The following MAST2 variants were observed in gnomAD, a reference collection of about 807,000 sequenced individuals.
MAST2 encodes the protein microtubule-associated serine/threonine-protein kinase 2.
A neutral mutation model predicts 147.4 loss-of-function variants in MAST2; 70 were observed. The ratio of observed to expected loss-of-function variants is 0.47; its 90% CI spans 0.39 to 0.58. The LOEUF (loss-of-function observed/expected upper bound fraction) is 0.58, where lower values mean the gene tolerates loss of function less well. Ranked by LOEUF, MAST2 falls within the 20% of genes least tolerant of loss-of-function variation. MAST2 has a pLI of 0.00. For synonymous variants in MAST2, 869 were observed against 896.8 expected, an observed-to-expected ratio of 0.97 and a Z score of 0.55; for missense variants, 2,080 against 2,302.3, an observed-to-expected ratio of 0.90 and a Z score of 1.98.
intron 3 of MAST2, among the ~76,000 whole-genome samples, chr1:45,844,939 G>A (rs1206948527): frequency 6.6e-6 from 1 of 152,084 alleles, no homozygotes; most frequent in African/African-American, 2.4e-5. Flanking sequence ...GTTTCCTCAC[G>A]TGGCAGAAGG....
At chr1:45,850,391 G>A (rs1645586255) in intron 3 of MAST2, among the ~76,000 whole-genome samples, 1 of 152,136 alleles carries the variant, frequency 6.6e-6, no homozygotes, top group Non-Finnish European at 1.5e-5. Context: ...CCATTCTGTA[G>A]GCTGTTAACT....
chr1:45,900,188 A>AAAAAAAAAC, intron 4 of MAST2, among the ~76,000 whole-genome samples: 1 of 129,270 alleles, frequency 7.7e-6, no homozygotes, highest in African/African-American at 3.1e-5. Context: ...AAAAAAAAAA[A>AAAAAAAAAC]AAAAAAAGAT....
intron 17 of MAST2, 80 bp downstream of exon 17, chr1:46,027,943 AC>A (rs923618372): frequency 7.0e-5 from 109 of 1,547,406 alleles, no homozygotes; most frequent in East Asian, 2.7e-4. Context: ...CGTAATCCCA[AC>A]CCTTTGGGAG....
intron 4 of MAST2, among the ~76,000 whole-genome samples, chr1:45,899,220 T>C (rs1649302284): frequency 6.6e-6 from 1 of 152,198 alleles, no homozygotes; most frequent in African/African-American, 2.4e-5. Flanking sequence ...TTGATCAATT[T>C]TTTTTAATTA....
chr1:45,964,944 A>G (rs1487649421), intron 5 of MAST2, among the ~76,000 whole-genome samples: 1 of 152,120 alleles, frequency 6.6e-6, no homozygotes, highest in East Asian at 1.9e-4. Flanking sequence ...GTTTCAAAGA[A>G]CATCTTTATT....
At position 46,002,903 on chromosome 1, in the gene MAST2, G is replaced by C; in HGVS notation, c.747+20G>C. 1 of 1,611,098 alleles carries C rather than the reference G, an allele frequency of 6.2e-7. No homozygotes were observed. The highest frequency in any genetic ancestry group is 8.5e-7 in the Non-Finnish European group (1 of 1,177,302). On this transcript the variant is annotated intron_variant, in intron 7 of 28. Transcript: ENST00000361297. ...GTCTCAGTAAGTAGCCAAATCTGTG[G>C]CCATACTTCCTTCACCCTAAGGAAG...
Position 45,937,724 on chromosome 1 carries a change from C to T in MAST2, c.501-21662C>T, listed in dbSNP as rs193186931. ...CCGAGATCACACCACTGTACTCCAG[C>T]CTGGGAGACAGAGTGAAACTCCATC... is the stretch of plus-strand genomic sequence containing the variant. On this transcript the variant is annotated intron_variant, in intron 4 of 28. Transcript: ENST00000361297. 1.3e-3 allele frequency among the ~76,000 whole-genome samples: 167 copies of T among 127,488 alleles called. 2 individuals carry two copies. In the Admixed American group the frequency reaches 0.016, roughly 12 times the overall value. 83.6% of individuals were successfully genotyped at this position (127,488 alleles called of 152,430 possible).
At chr1:45,882,224 G>A in intron 3 of MAST2, 140 bp from the exon 4 acceptor site, 1 of 553,408 alleles carries the variant, frequency 1.8e-6, no homozygotes. Context: ...AATTTAAGAG[G>A]CAAAGAAAAA....
intron 3 of MAST2, among the ~76,000 whole-genome samples, chr1:45,844,056 C>A (rs1346100102): frequency 6.6e-6 from 1 of 151,974 alleles, no homozygotes; most frequent in Admixed American, 6.6e-5. Flanking sequence ...AAATTTTTTT[C>A]TTATCTTGAA....
chr1:45,880,083 A>G (rs913180756), intron 3 of MAST2, among the ~76,000 whole-genome samples: 2 of 152,294 alleles, frequency 1.3e-5, no homozygotes, highest in East Asian at 1.9e-4. Flanking sequence ...ATATATATCT[A>G]CCCTTTAACT....
intron 4 of MAST2, among the ~76,000 whole-genome samples, chr1:45,955,803 G>C (rs1659574302): frequency 6.6e-6 from 1 of 152,198 alleles, no homozygotes; most frequent in Admixed American, 6.5e-5. Flanking sequence ...ATAATGCCTT[G>C]TAGGCCATCA....
chr1:45,877,478 T>G (rs990977905), intron 3 of MAST2, among the ~76,000 whole-genome samples: 1 of 152,166 alleles, frequency 6.6e-6, no homozygotes, highest in African/African-American at 2.4e-5. Flanking sequence ...CTCGTAATAC[T>G]ATCACATTGG....
chr1:45,901,170 T>A (rs919006008), intron 4 of MAST2, among the ~76,000 whole-genome samples: 5 of 152,194 alleles, frequency 3.3e-5, no homozygotes, highest in African/African-American at 4.8e-5. Flanking sequence ...CATGTGTTAA[T>A]TTTTATATAT....
intron 3 of MAST2, among the ~76,000 whole-genome samples, chr1:45,858,038 G>T (rs1645850659): frequency 6.6e-6 from 1 of 152,020 alleles, no homozygotes; most frequent in Non-Finnish European, 1.5e-5. Flanking sequence ...TTGGTTCCAA[G>T]TCTTTGCTAT....
intron 4 of MAST2, among the ~76,000 whole-genome samples, chr1:45,958,500 C>G (rs1218663965): frequency 6.6e-6 from 1 of 151,526 alleles, no homozygotes; most frequent in Non-Finnish European, 1.5e-5. Context: ...TTCTCCTTTT[C>G]TCCCTCTCCC....
intron 17 of MAST2, 124 bp from the exon 18 acceptor site, chr1:46,028,640 TTAAC>T (rs1646511007): frequency 9.9e-6 from 9 of 905,520 alleles, no homozygotes; most frequent in Non-Finnish European, 1.6e-5. Flanking sequence ...ATCTTGTTCA[TTAAC>T]TAAGGTGGGC....
intron 4 of MAST2, among the ~76,000 whole-genome samples, chr1:45,891,488 A>G (rs1333346855): frequency 6.6e-6 from 1 of 152,178 alleles, no homozygotes; most frequent in African/African-American, 2.4e-5. Flanking sequence ...AAACAAAACA[A>G]AAAAAAGAAA....
chr1:46,035,896 A>T lies in MAST2; in HGVS notation c.5227A>T (p.Ile1743Phe). The T allele has an allele frequency of 6.2e-7, 1 of 1,614,114 alleles. No individual in the cohort carries two copies. Among genetic ancestry groups the T allele is most frequent in the South Asian group, 1.1e-5 (1 of 91,082 alleles). The change falls in exon 29 of 29, where the codon ATC becomes TTC. Residue 1743 changes from isoleucine to phenylalanine, a missense_variant. Coordinates refer to ENST00000361297, the MANE Select transcript of MAST2 (RefSeq NM_015112.3). This position sits in a 1 kb window ranked among gnomAD's most constrained non-coding sequence, Gnocchi z 5.5. Reference sequence around the variant, plus strand: ...AGTGAAAGAGGATCCAGCCCTGAGCATCACCCAAGTGCCTGATGCCTCAGG... The same window carrying T: ...AGTGAAAGAGGATCCAGCCCTGAGCTTCACCCAAGTGCCTGATGCCTCAGG... ...QAVKEDPALS[I>F]TQVPDASGDR...
At chr1:45,897,769 G>A (rs1444838801) in intron 4 of MAST2, among the ~76,000 whole-genome samples, 10 of 151,670 alleles carry the variant, frequency 6.6e-5, no homozygotes, top group African/African-American at 1.9e-4. Flanking sequence ...TAATCACGCC[G>A]CTGCACTCCA....
Sources: allele counts gnomAD v4.1 joint callset (sites outside exome capture counted in the v4.1 genomes callset), GRCh38; gene constraint gnomAD v4.1.1; non-coding constraint Gnocchi (gnomAD v3.1); transcripts MANE v1.5; gene names NCBI Gene and HGNC (gene_info 2026-07-23, HGNC 2026-07-21).